TSC22D1: variants seen among roughly 807,000 people sequenced by gnomAD.
TSC22D1 encodes TSC22 domain family protein 1.
TSC22D1 carries 9 observed loss-of-function variants against 74.2 expected under a neutral mutation model. The observed-to-expected ratio is 0.12, with a 90% CI of 0.07 to 0.21. The LOEUF (loss-of-function observed/expected upper bound fraction) is 0.21. TSC22D1 is among the 10% of genes least tolerant of loss of function. TSC22D1 has a pLI of 1.00. For missense variants in TSC22D1, 1,427 were observed against 1,304.7 expected, an observed-to-expected ratio of 1.09 and a Z score of -1.44; for synonymous variants, 586 against 492.5, an observed-to-expected ratio of 1.19 and a Z score of -2.51.
chr13:44,573,721 G>A lies in TSC22D1; in HGVS notation c.2354C>T (p.Pro785Leu), dbSNP rs755318084. The change falls in exon 1 of 3, where the codon CCT becomes CTT. Residue 785 changes from proline to leucine, a missense_variant. By Grantham distance (98) the Pro-to-Leu change is moderately conservative. Transcript: ENST00000458659. ...TTGGGATGCAATAACCAATTGTTGA[G>A]GAAGGCTTGGAGCACTAGTTTGAAC... ...QGVQTSAPSL[P>L]QQLVIASQSS... 5.1e-5 allele frequency: 83 copies of A among 1,614,224 alleles called. No homozygotes were observed. The South Asian group carries it at 6.8e-4, about 13-fold the overall frequency.
chr13:44,517,865 T>A lies in TSC22D1; in HGVS notation c.2912+55298A>T, dbSNP rs1297976967. Among the ~76,000 whole-genome samples, 161 of 75,666 alleles carry A rather than the reference T, an allele frequency of 2.1e-3. 1 individual carries two copies. The highest frequency in any genetic ancestry group is 6.1e-3 in the South Asian group (12 of 1,982). 49.6% of individuals were successfully genotyped at this position (75,666 alleles called of 152,430 possible). A position where few individuals can be genotyped will look rare whatever the true frequency, so the allele number is the denominator to read the frequency against. ...TATATATATATATATATATTTTTTT[T>A]TTTTTTTTTTTTTTAACAAGGTCTC... On this transcript the variant is annotated intron_variant, in intron 1 of 2. Coordinates refer to ENST00000458659, the MANE Select transcript of TSC22D1 (RefSeq NM_183422.4).
intron 1 of TSC22D1, among the ~76,000 whole-genome samples, chr13:44,527,481 T>C (rs1041516848): frequency 6.6e-6 from 1 of 152,150 alleles, no homozygotes; most frequent in African/African-American, 2.4e-5. Context: ...TCGTTGTAAA[T>C]GTACACTGCC....
chr13:44,562,359 T>C (rs1883102471), intron 1 of TSC22D1, among the ~76,000 whole-genome samples: 1 of 152,180 alleles, frequency 6.6e-6, no homozygotes, highest in Non-Finnish European at 1.5e-5. Context: ...TATATTTCTT[T>C]ATATATGTAT....
intron 1 of TSC22D1, among the ~76,000 whole-genome samples, chr13:44,447,146 CTT>C (rs59178966): frequency 1.1e-4 from 16 of 143,010 alleles, no homozygotes; most frequent in Non-Finnish European, 1.2e-4. Flanking sequence ...GATACCTATA[CTT>C]TTTTTTTTTT....
rs758738086 is a variant in TSC22D1 at position 44,436,088 on chromosome 13, C to G, written c.2920G>C (p.Gly974Arg). 6 of 1,612,280 alleles carry G rather than the reference C, an allele frequency of 3.7e-6. No individual in the cohort carries two copies. Among genetic ancestry groups the G allele is most frequent in the Non-Finnish European group, 5.1e-6 (6 of 1,179,504 alleles). ...TTGTCAATAGCTACCACACTTGCAC[C>G]AGAGGAGCTGAAAAAGAGGAGGGAA... ...LVDGEDESSS[G>R]ASVVAIDNKI... The change falls in exon 2 of 3, where the codon GGT becomes CGT. Residue 974 changes from glycine (G) to arginine (R), a missense_variant. Transcript: ENST00000458659.
chr13:44,554,630 C>CAAAAAAAAAAAAAA (rs59922380), intron 1 of TSC22D1, among the ~76,000 whole-genome samples: 10 of 68,578 alleles, frequency 1.5e-4, no homozygotes, highest in Admixed American at 3.3e-4. Context: ...ATACCAGGAA[C>CAAAAAAAAAAAAAA]AAAAAAAAAA....
At position 44,574,752 on chromosome 13, in the gene TSC22D1, A is replaced by T; in HGVS notation, c.1323T>A (p.Gly441=). ...EKENAVPATE[G]VLINKVVETV... is the part of the protein sequence containing the mutation. The stretch of plus-strand genomic sequence containing the variant: ...TCTCCACCACTTTATTTATCAGCAC[A>T]CCTTCTGTAGCAGGTACAGCATTTT... Residue 441 remains glycine, a synonymous_variant, in exon 1 of 3, where the codon GGT becomes GGA. Coordinates refer to ENST00000458659, the MANE Select transcript of TSC22D1 (RefSeq NM_183422.4). 5 of 1,614,082 alleles carry T rather than the reference A, an allele frequency of 3.1e-6. No homozygotes were observed. The highest frequency in any genetic ancestry group is 4.2e-6 in the Non-Finnish European group (5 of 1,180,028).
chr13:44,487,498 CAAAAAAAAAAAAAA>C (rs61034237), intron 1 of TSC22D1, among the ~76,000 whole-genome samples: 5 of 23,464 alleles, frequency 2.1e-4, no homozygotes, highest in Admixed American at 8.8e-4. Flanking sequence ...GACTCCATCT[CAAAAAAAAAAAAAA>C]AAAAAAAAAA....
In TSC22D1 at chr13:44,521,784, C is replaced by T. The variant is rs74689326; in HGVS notation, c.2912+51379G>A. Among the ~76,000 whole-genome samples the T allele has an allele frequency of 9.2e-3, 1,402 of 152,056 alleles. 15 individuals carry two copies. The highest frequency in any genetic ancestry group is 0.032 in the African/African-American group (1,323 of 41,478). ...ATCCGAAAGATTTTTCTTTCTTAAC[C>T]TTTCATTACTTGTTTTCCAAAACTA... On this transcript the variant is annotated intron_variant, in intron 1 of 2. Transcript: ENST00000458659.
chr13:44,436,888 T>G, intron 1 of TSC22D1: 1 of 1,144,616 alleles, frequency 8.7e-7, no homozygotes, highest in Non-Finnish European at 1.1e-6. Flanking sequence ...GCAAAATATA[T>G]GCAGGAAAGA....
rs185502613 is a variant in TSC22D1, at chr13:44,497,736, T to C, written c.2913-61641A>G. 2.6e-3 allele frequency among the ~76,000 whole-genome samples: 398 copies of C among 152,336 alleles called. 6 individuals are homozygous for C. Among genetic ancestry groups the C allele is most frequent in the Admixed American group, 0.025 (376 of 15,298 alleles). On this transcript the variant is annotated intron_variant, in intron 1 of 2. Coordinates refer to ENST00000458659, the MANE Select transcript of TSC22D1 (RefSeq NM_183422.4). ...TTTTTCCTTTGCAACTGTCCCTGCCTTCATTCAGAACCATCACTTCTCACC... is the reference window on the plus strand; with the variant it reads ...TTTTTCCTTTGCAACTGTCCCTGCCCTCATTCAGAACCATCACTTCTCACC...
chr13:44,555,979 G>A (rs1339741503), intron 1 of TSC22D1, among the ~76,000 whole-genome samples: 1 of 152,022 alleles, frequency 6.6e-6, no homozygotes, highest in Admixed American at 6.6e-5. Flanking sequence ...CACGGGATGT[G>A]AAAATTACTG....
intron 1 of TSC22D1, among the ~76,000 whole-genome samples, chr13:44,569,015 T>C (rs1883567409): frequency 1.3e-5 from 2 of 152,148 alleles, no homozygotes; most frequent in East Asian, 1.9e-4. Context: ...AACAACAAAA[T>C]TAAATCTTCA....
intron 1 of TSC22D1, among the ~76,000 whole-genome samples, chr13:44,467,330 C>G (rs1427217369): frequency 6.6e-6 from 1 of 152,132 alleles, no homozygotes. Flanking sequence ...TTTCTGGACA[C>G]TAGCCTTAGC....
chr13:44,577,055 A>C (rs1338323061), upstream of TSC22D1: 2 of 150,240 alleles, frequency 1.3e-5, no homozygotes, highest in East Asian at 2.0e-4. Context: ...GCTCTTCCTC[A>C]CCCCGCTGCT....
At position 44,574,529 on chromosome 13, in the gene TSC22D1, T is replaced by C. The variant is rs377633908; in HGVS notation, c.1546A>G (p.Thr516Ala). 2.5e-6 allele frequency: 4 copies of C among 1,613,972 alleles called. No individual in the cohort carries two copies. Among genetic ancestry groups the C allele is most frequent in the South Asian group, 1.1e-5 (1 of 91,086 alleles). Residue 516 changes from threonine to alanine, a missense_variant, in exon 1 of 3, where the codon ACC becomes GCC. Thr to Ala is a moderately conservative substitution (Grantham distance 58, BLOSUM62 0). Coordinates refer to ENST00000458659, the MANE Select transcript of TSC22D1 (RefSeq NM_183422.4). ...CTACCAAAATCCATCTGTTGGAGGG[T>C]CACACCTTGGAGAGCTGGTTGTTGC... ...QQQQPALQGVTLQQMDFGSTG... is the reference protein window; with the variant it reads ...QQQQPALQGVALQQMDFGSTG...
chr13:44,554,935 T>C (rs1327733180), intron 1 of TSC22D1, among the ~76,000 whole-genome samples: 3 of 152,174 alleles, frequency 2.0e-5, no homozygotes, highest in Non-Finnish European at 2.9e-5. Context: ...ATGGTACTAA[T>C]GGCATTTAAG....
At chr13:44,539,264 G>C in intron 1 of TSC22D1, 4 of 985,262 alleles carry the variant, frequency 4.1e-6, no homozygotes, top group Non-Finnish European at 4.8e-6. Flanking sequence ...AACCATAATA[G>C]TACTATCATT....
chr13:44,458,658 C>G (rs1229855528), intron 1 of TSC22D1, among the ~76,000 whole-genome samples: 1 of 152,158 alleles, frequency 6.6e-6, no homozygotes, highest in East Asian at 1.9e-4. Flanking sequence ...AGCCCCACTT[C>G]CCCCACAGGC....
Sources: allele counts gnomAD v4.1 joint callset (sites outside exome capture counted in the v4.1 genomes callset), GRCh38; gene constraint gnomAD v4.1.1; transcripts MANE v1.5; gene names NCBI Gene and HGNC (gene_info 2026-07-23, HGNC 2026-07-21).